DCLK1: variants seen among roughly 807,000 people sequenced by gnomAD.
DCLK1 encodes doublecortin like kinase 1, also known as serine/threonine-protein kinase DCLK1.
DCLK1 carries 16 observed loss-of-function variants against 86.2 expected under a neutral mutation model. The ratio of observed to expected loss-of-function variants is 0.19; its 90% confidence interval spans 0.13 to 0.28. DCLK1 has a LOEUF of 0.28. DCLK1 is among the 10% of genes least tolerant of loss of function. The pLI, the probability that DCLK1 is intolerant of heterozygous loss-of-function variation, is 1.00. For missense variants in DCLK1, 590 were observed against 940.2 expected, an observed-to-expected ratio of 0.63 and a Z score of 4.87; for synonymous variants, 369 against 370.5, an observed-to-expected ratio of 1.00 and a Z score of 0.05.
At chr13:36,014,326 G>T (rs1224044192) in intron 3 of DCLK1, among the ~76,000 whole-genome samples, 8 of 152,304 alleles carry the variant, frequency 5.3e-5, no homozygotes, top group African/African-American at 1.9e-4. Context: ...CATTGGAAAT[G>T]CTGGCTTCTC....
rs11294824 is a variant in DCLK1 at position 35,976,525 on chromosome 13, G to GTTTTTTTTTTTTTTTTTTTTTT, written c.724-29090_724-29069dup. The stretch of plus-strand genomic sequence containing the variant: ...CTCCCAGCACTTCAGCTTCTCCGAG[G>GTTTTTTTTTTTTTTTTTTTTTT]TTTTTTTTTTTTTTTTTTTTTTTGA... On this transcript the variant is annotated intron_variant, in intron 3 of 16. Coordinates refer to ENST00000360631, the MANE Select transcript of DCLK1 (RefSeq NM_001330071.2). 9.1e-4 allele frequency among the ~76,000 whole-genome samples: 51 copies of GTTTTTTTTTTTTTTTTTTTTTT among 56,348 alleles called. 6 individuals carry two copies. Among genetic ancestry groups the GTTTTTTTTTTTTTTTTTTTTTT allele is most frequent in the African/African-American group, 2.8e-3 (45 of 16,028 alleles). The allele number at this position is 56,348 out of a possible 152,430, so 37.0% of individuals were successfully genotyped here.
chr13:35,951,646 T>A (rs756547705), intron 3 of DCLK1, among the ~76,000 whole-genome samples: 3 of 151,898 alleles, frequency 2.0e-5, no homozygotes, highest in Non-Finnish European at 4.4e-5. Flanking sequence ...GCTGCCCTTA[T>A]CCATCACCTC....
chr13:35,811,019 C>T, intron 11 of DCLK1, 51 bp from the exon 12 acceptor site: 1 of 1,608,754 alleles, frequency 6.2e-7, no homozygotes, highest in Non-Finnish European at 8.5e-7. Flanking sequence ...AGCTCAAAAG[C>T]CCTTTCTTGA....
At chr13:35,778,389 C>T (rs1176159603) in intron 16 of DCLK1, among the ~76,000 whole-genome samples, 6 of 152,186 alleles carry the variant, frequency 3.9e-5, no homozygotes, top group East Asian at 1.9e-4. Flanking sequence ...TTTTCAAGCA[C>T]AGCATCTGTT....
intron 8 of DCLK1, among the ~76,000 whole-genome samples, chr13:35,831,195 A>G (rs1447463995): frequency 6.6e-6 from 1 of 152,228 alleles, no homozygotes; most frequent in Non-Finnish European, 1.5e-5. Context: ...TTCATAGTGG[A>G]CAATGAGCTC....
At chr13:35,886,248 T>G (rs749246433) in intron 4 of DCLK1, among the ~76,000 whole-genome samples, 1 of 152,056 alleles carries the variant, frequency 6.6e-6, no homozygotes, top group Non-Finnish European at 1.5e-5. Context: ...CCTGACCTCG[T>G]GATCTGCCCG....
rs566983454 is a variant in DCLK1, at chr13:35,966,090, A to C, written c.724-18633T>G. ...TGAAAATGGAAATGGGTTGCCACCC[A>C]TTAGGGTGGCCATTATTAACAAATA... is the stretch of plus-strand genomic sequence containing the variant. On this transcript the variant is annotated intron_variant, in intron 3 of 16. Transcript: ENST00000360631. Among the ~76,000 whole-genome samples, 111 of 152,368 alleles carry C rather than the reference A, an allele frequency of 7.3e-4. 1 individual carries two copies. In the South Asian group the frequency reaches 0.018, roughly 24 times the overall value.
intron 4 of DCLK1, among the ~76,000 whole-genome samples, chr13:35,896,806 G>T (rs542856332): frequency 2.0e-4 from 30 of 152,200 alleles, no homozygotes; most frequent in South Asian, 1.0e-3. Context: ...TCCAACATAA[G>T]GTGCTAAGTA....
intron 4 of DCLK1, among the ~76,000 whole-genome samples, chr13:35,946,143 G>T (rs1183764343): frequency 2.6e-5 from 4 of 152,106 alleles, no homozygotes; most frequent in African/African-American, 7.2e-5. Context: ...CTCCTGAACA[G>T]CTAGGACTGC....
At chr13:36,115,915 T>C (rs1885768878) in intron 2 of DCLK1, among the ~76,000 whole-genome samples, 1 of 149,924 alleles carries the variant, frequency 6.7e-6, no homozygotes, top group Non-Finnish European at 1.5e-5. Context: ...AGAGTTCCTG[T>C]GTAAAAAATC....
intron 13 of DCLK1, 79 bp from the exon 14 acceptor site, chr13:35,808,399 G>T (rs778363306): frequency 2.6e-6 from 3 of 1,172,010 alleles, no homozygotes; most frequent in Non-Finnish European, 3.8e-6. Flanking sequence ...TTAGGCACTG[G>T]AGCCCTTCCT....
chr13:35,885,483 C>T (rs1439732253), intron 4 of DCLK1, among the ~76,000 whole-genome samples: 1 of 152,216 alleles, frequency 6.6e-6, no homozygotes, highest in Admixed American at 6.5e-5. Context: ...GGCTGAAGCT[C>T]TGTGCTTATT....
At chr13:36,033,188 CT>C (rs1593834675) in intron 3 of DCLK1, among the ~76,000 whole-genome samples, 1 of 152,280 alleles carries the variant, frequency 6.6e-6, no homozygotes, top group African/African-American at 2.4e-5. Flanking sequence ...CCAGAAGAAG[CT>C]TTTGTCAGTT....
chr13:35,847,505 T>G, intron 6 of DCLK1: 1 of 985,124 alleles, frequency 1.0e-6, no homozygotes, highest in South Asian at 4.7e-5. Context: ...TGGCCACATA[T>G]GAAAAATTTA....
At position 36,065,547 on chromosome 13, in the gene DCLK1, A is replaced by C. The variant is rs73525237; in HGVS notation, c.723+46322T>G. Among the ~76,000 whole-genome samples the C allele has an allele frequency of 8.3e-3, 1,266 of 152,322 alleles. 15 individuals carry two copies. The highest frequency in any genetic ancestry group is 0.029 in the African/African-American group (1,193 of 41,578). ...CCAGCATCCCACCCCAAATGTAAGAAATATGTCTGACAAAAGAATTACTTT... is the reference window on the plus strand; with the variant it reads ...CCAGCATCCCACCCCAAATGTAAGACATATGTCTGACAAAAGAATTACTTT... On this transcript the variant is annotated intron_variant, in intron 3 of 16. Coordinates refer to ENST00000360631, the MANE Select transcript of DCLK1 (RefSeq NM_001330071.2).
chr13:35,927,613 T>G (rs899398369), intron 4 of DCLK1, among the ~76,000 whole-genome samples: 5 of 152,230 alleles, frequency 3.3e-5, no homozygotes, highest in Admixed American at 2.6e-4. Context: ...GTGTCTGGTT[T>G]TCTTCCCAGG....
chr13:35,831,696 AC>A (rs2153106771), intron 8 of DCLK1, among the ~76,000 whole-genome samples: 1 of 152,174 alleles, frequency 6.6e-6, no homozygotes, highest in East Asian at 1.9e-4. Flanking sequence ...TATGTTCTTG[AC>A]CTTTTACAGA....
chr13:35,836,202 A>T, intron 7 of DCLK1, 61 bp from the exon 8 acceptor site: 2 of 1,361,824 alleles, frequency 1.5e-6, no homozygotes. Flanking sequence ...TTGCACAAGG[A>T]AACATTTAAA....
chr13:35,915,422 T>C (rs982363747), intron 4 of DCLK1, among the ~76,000 whole-genome samples: 12 of 152,290 alleles, frequency 7.9e-5, no homozygotes, highest in Non-Finnish European at 1.3e-4. Flanking sequence ...AGTTTTAGGC[T>C]GGGTGTGGTG....
Sources: allele counts gnomAD v4.1 joint callset (sites outside exome capture counted in the v4.1 genomes callset), GRCh38; gene constraint gnomAD v4.1.1; transcripts MANE v1.5; gene names NCBI Gene and HGNC (gene_info 2026-07-23, HGNC 2026-07-21).